SPAG16: variants seen among roughly 807,000 people sequenced by gnomAD.
SPAG16 encodes the protein sperm associated antigen 16.
A neutral mutation model predicts 80.4 loss-of-function variants in SPAG16; 86 were observed. The observed-to-expected ratio is 1.07, with a 90% confidence interval of 0.90 to 1.28. SPAG16 has a LOEUF of 1.28. SPAG16 is among the 50% of genes most tolerant of loss of function. The pLI, the probability that SPAG16 is intolerant of heterozygous loss-of-function variation, is 0.00. For synonymous variants in SPAG16, 294 were observed against 265.9 expected, an observed-to-expected ratio of 1.11 and a Z score of -1.03; for missense variants, 870 against 765.3, an observed-to-expected ratio of 1.14 and a Z score of -1.61.
intron 15 of SPAG16, among the ~76,000 whole-genome samples, chr2:214,346,156 A>C (rs1698034102): frequency 6.6e-6 from 1 of 152,244 alleles, no homozygotes; most frequent in Admixed American, 6.5e-5. Flanking sequence ...GTGTATGAGA[A>C]TATACCCACA....
intron 13 of SPAG16, among the ~76,000 whole-genome samples, chr2:214,020,235 A>G (rs1243362425): frequency 6.6e-6 from 1 of 152,096 alleles, no homozygotes; most frequent in Non-Finnish European, 1.5e-5. Flanking sequence ...GGCCATTTCC[A>G]TGCCTCTATT....
At chr2:213,845,272 A>C (rs1449176188) in intron 10 of SPAG16, among the ~76,000 whole-genome samples, 2 of 148,930 alleles carry the variant, frequency 1.3e-5, no homozygotes, top group African/African-American at 5.0e-5. Context: ...GTCTCGGCTC[A>C]CTGCAACCTC....
chr2:214,295,127 G>C (rs893036330), intron 15 of SPAG16, among the ~76,000 whole-genome samples: 1 of 152,126 alleles, frequency 6.6e-6, no homozygotes, highest in Admixed American at 6.5e-5. Context: ...TTAGTGCTCA[G>C]GTCTACCACT....
intron 9 of SPAG16, 145 bp downstream of exon 9, chr2:213,375,264 G>A: frequency 1.8e-6 from 1 of 543,424 alleles, no homozygotes; most frequent in Non-Finnish European, 3.2e-6. Flanking sequence ...ATGGACAGTG[G>A]AGGTATCCAA....
chr2:213,641,679 A>G (rs1434351116), intron 10 of SPAG16, among the ~76,000 whole-genome samples: 1 of 152,126 alleles, frequency 6.6e-6, no homozygotes, highest in African/African-American at 2.4e-5. Flanking sequence ...ATTTTGTTTC[A>G]GCTCTTGGTA....
chr2:214,410,305 C>T lies in SPAG16; in HGVS notation c.1886C>T (p.Thr629Met), dbSNP rs979132676. Reference protein sequence around the residue: ...FSGGSDGTVRTWS With the variant: ...FSGGSDGTVRMWS ...GGAGGCTCTGACGGCACAGTTCGAA[C>T]GTGGTCTTGACCGTCAGCACATCCC... The change falls in exon 16 of 16, where the codon ACG (threonine) becomes ATG (methionine). Residue 629 changes from threonine to methionine, a missense_variant. Physicochemically the swap from Thr to Met is moderately conservative, Grantham distance 81 (BLOSUM62 -1). Transcript: ENST00000331683. 1.9e-6 allele frequency: 3 copies of T among 1,597,940 alleles called. No homozygotes were observed. The highest frequency in any genetic ancestry group is 2.6e-6 in the Non-Finnish European group (3 of 1,166,704).
At chr2:214,250,733 G>GATATAT (rs59644776) in intron 15 of SPAG16, among the ~76,000 whole-genome samples, 160 of 112,330 alleles carry the variant, frequency 1.4e-3, no homozygotes, top group African/African-American at 2.8e-3. Flanking sequence ...GGAGCTTTGA[G>GATATAT]ATATATATAT....
chr2:213,685,714 T>A (rs2064633455), intron 10 of SPAG16, among the ~76,000 whole-genome samples: 2 of 152,182 alleles, frequency 1.3e-5, no homozygotes, highest in Non-Finnish European at 2.9e-5. Flanking sequence ...TCCTTTTTAT[T>A]CTAAGAGCAA....
intron 10 of SPAG16, among the ~76,000 whole-genome samples, chr2:213,851,763 A>G (rs1022244713): frequency 2.0e-5 from 3 of 152,176 alleles, no homozygotes; most frequent in East Asian, 3.9e-4. Flanking sequence ...AGAAAAGAAA[A>G]CTGAAGCTTT....
At chr2:213,939,039 T>C (rs1196414316) in intron 12 of SPAG16, among the ~76,000 whole-genome samples, 1 of 152,074 alleles carries the variant, frequency 6.6e-6, no homozygotes, top group Non-Finnish European at 1.5e-5. Flanking sequence ...CAAGGAACCA[T>C]GGAATAATCT....
chr2:214,085,574 C>A (rs2051685457), intron 13 of SPAG16, among the ~76,000 whole-genome samples: 1 of 152,174 alleles, frequency 6.6e-6, no homozygotes. Flanking sequence ...TCATCTGTTA[C>A]ATCTTGCAAA....
intron 15 of SPAG16, among the ~76,000 whole-genome samples, chr2:214,167,923 A>G (rs1328838110): frequency 6.8e-6 from 1 of 147,164 alleles, no homozygotes; most frequent in Non-Finnish European, 1.5e-5. Flanking sequence ...TCATTCTCTA[A>G]CCTTGGGCAA....
intron 6 of SPAG16, among the ~76,000 whole-genome samples, chr2:213,341,315 C>T (rs754503194): frequency 3.9e-5 from 6 of 152,082 alleles, no homozygotes; most frequent in East Asian, 1.9e-4. Context: ...ATACTTTGCC[C>T]GATAGCTGCG....
intron 9 of SPAG16, among the ~76,000 whole-genome samples, chr2:213,414,377 A>G (rs2125407489): frequency 6.6e-6 from 1 of 152,290 alleles, no homozygotes; most frequent in South Asian, 2.1e-4. Context: ...TCCTTAATTA[A>G]TTAGACATTT....
At chr2:213,945,148 T>C (rs2106302146) in intron 12 of SPAG16, among the ~76,000 whole-genome samples, 2 of 151,626 alleles carry the variant, frequency 1.3e-5, no homozygotes, top group South Asian at 2.1e-4. Context: ...ACAGAACTAA[T>C]AGGATATATA....
chr2:213,457,754 A>T (rs1351726782), intron 9 of SPAG16, among the ~76,000 whole-genome samples: 1 of 152,120 alleles, frequency 6.6e-6, no homozygotes, highest in African/African-American at 2.4e-5. Context: ...TTTTACTTTT[A>T]ATTTCTGTCT....
Position 213,284,574 on chromosome 2 carries a change from G to C in SPAG16, c.91G>C (p.Asp31His). The C allele has an allele frequency of 1.2e-6, 2 of 1,609,718 alleles. No individual in the cohort carries two copies. The highest frequency in any genetic ancestry group is 1.7e-6 in the Non-Finnish European group (2 of 1,178,442). The change falls in exon 1 of 16, where the codon GAC (aspartate) becomes CAC (histidine). Residue 31 changes from aspartate (D) to histidine (H), a missense_variant. Coordinates refer to ENST00000331683, the MANE Select transcript of SPAG16 (RefSeq NM_024532.5). ...MGLTAAGDARDTADAVAAEGA... is the reference protein window; with the variant it reads ...MGLTAAGDARHTADAVAAEGA... Reference sequence around the variant, plus strand: ...TTTGACGGCAGCCGGGGACGCGAGGGACACGGCGGACGCGGTGGCGGCTGA... The same window carrying C: ...TTTGACGGCAGCCGGGGACGCGAGGCACACGGCGGACGCGGTGGCGGCTGA...
intron 11 of SPAG16, among the ~76,000 whole-genome samples, chr2:213,900,768 A>G (rs2077188913): frequency 6.6e-6 from 1 of 152,180 alleles, no homozygotes; most frequent in African/African-American, 2.4e-5. Context: ...TACATTGTGA[A>G]CACCTACTCA....
Position 213,340,177 on chromosome 2 carries a change from A to G in SPAG16, c.551A>G (p.Asp184Gly). 6.2e-7 allele frequency: 1 copy of G among 1,609,240 alleles called. No homozygotes were observed. The highest frequency in any genetic ancestry group is 8.5e-7 in the Non-Finnish European group (1 of 1,177,592). ...YKQAADKARE[D>G]LLKIQKERDF... is the part of the protein sequence containing the mutation. ...TTTTTTTTCAGCAAAGCTAGAGAAGATTTGCTGAAAATTCAGAAAGAACGT... is the reference window on the plus strand; with the variant it reads ...TTTTTTTTCAGCAAAGCTAGAGAAGGTTTGCTGAAAATTCAGAAAGAACGT... The change falls in exon 6 of 16, where the codon GAT becomes GGT. Residue 184 changes from aspartate (D) to glycine (G), a missense_variant. Physicochemically the swap from Asp to Gly is moderately conservative, Grantham distance 94. Transcript: ENST00000331683.
Sources: allele counts gnomAD v4.1 joint callset (sites outside exome capture counted in the v4.1 genomes callset), GRCh38; gene constraint gnomAD v4.1.1; transcripts MANE v1.5; gene names NCBI Gene and HGNC (gene_info 2026-07-23, HGNC 2026-07-21).